Variants in TNKS observed in about 807,000 individuals in gnomAD.
The protein encoded by TNKS is poly [ADP-ribose] polymerase tankyrase-1.
Under a neutral mutation model 135.8 loss-of-function variants are expected in TNKS, and 72 were observed. The observed-to-expected ratio is 0.53, with a 90% CI of 0.44 to 0.64. TNKS has a LOEUF of 0.64. Among genes scored for constraint, TNKS ranks in the 30% least tolerant of loss-of-function variants. The pLI is 0.00. For synonymous variants in TNKS, 849 were observed against 649.3 expected (o/e 1.31, Z -4.68); for missense variants, 1,769 against 1,674.0 (o/e 1.06, Z -0.99).
chr8:9,713,463 C>T (rs1333366731), intron 11 of TNKS, among the ~76,000 whole-genome samples: 3 of 152,282 alleles, frequency 2.0e-5, no homozygotes, highest in Middle Eastern at 6.8e-3. Flanking sequence ...GTCAGCCTTT[C>T]TCTAGGTCTG....
intron 23 of TNKS, 97 bp downstream of exon 23, chr8:9,764,887 A>T: frequency 1.1e-6 from 1 of 940,854 alleles, no homozygotes; most frequent in Non-Finnish European, 1.5e-6. Flanking sequence ...CATATTTTCA[A>T]ACTGTGAAAG....
At chr8:9,672,964 C>G (rs989728403) in intron 3 of TNKS, among the ~76,000 whole-genome samples, 1 of 152,052 alleles carries the variant, frequency 6.6e-6, no homozygotes, top group South Asian at 2.1e-4. Context: ...TTTAAAGTAC[C>G]GGCACACTTT....
chr8:9,557,012 A>G (rs1200096510), intron 1 of TNKS: 7 of 302,364 alleles, frequency 2.3e-5, no homozygotes, highest in African/African-American at 2.1e-5. Flanking sequence ...AGTCCAGACC[A>G]AAAGAGGTTT....
intron 3 of TNKS, among the ~76,000 whole-genome samples, chr8:9,646,964 A>G (rs1013502887): frequency 6.6e-6 from 1 of 152,218 alleles, no homozygotes; most frequent in African/African-American, 2.4e-5. Flanking sequence ...TATATCCCTT[A>G]GTAGATGATG....
intron 20 of TNKS, among the ~76,000 whole-genome samples, chr8:9,754,606 A>G (rs57226849): frequency 0.023 from 3,560 of 152,230 alleles, 130 homozygotes; most frequent in African/African-American, 0.082. Flanking sequence ...CTAAAAGAAG[A>G]CCTTAATTCT....
At chr8:9,607,503 T>C (rs1040950468) in intron 2 of TNKS, among the ~76,000 whole-genome samples, 1 of 152,202 alleles carries the variant, frequency 6.6e-6, no homozygotes, top group African/African-American at 2.4e-5. Flanking sequence ...TCTGAAACCA[T>C]GTCATGTCAG....
chr8:9,680,664 G>T, intron 4 of TNKS, 61 bp from the exon 5 acceptor site: 1 of 1,168,188 alleles, frequency 8.6e-7, no homozygotes. Flanking sequence ...AAAAAATTAT[G>T]CATAAATATT....
intron 3 of TNKS, among the ~76,000 whole-genome samples, chr8:9,630,749 A>G (rs1483013150): frequency 6.6e-6 from 1 of 152,246 alleles, no homozygotes; most frequent in Admixed American, 6.5e-5. Context: ...AATTGTCATT[A>G]GGTTTCTGTA....
chr8:9,604,515 TA>T (rs776608293), intron 2 of TNKS, among the ~76,000 whole-genome samples: 8 of 152,186 alleles, frequency 5.3e-5, no homozygotes, highest in Non-Finnish European at 1.2e-4. Context: ...TATATTAAGC[TA>T]GGCTCACTAA....
chr8:9,610,736 G>C (rs1242533312), intron 2 of TNKS, among the ~76,000 whole-genome samples: 1 of 152,082 alleles, frequency 6.6e-6, no homozygotes, highest in Non-Finnish European at 1.5e-5. Flanking sequence ...AACATCTTCT[G>C]ATAATTTACT....
chr8:9,735,284 A>G, intron 16 of TNKS, 93 bp from the exon 17 acceptor site: 2 of 1,276,102 alleles, frequency 1.6e-6, no homozygotes, highest in Non-Finnish European at 2.2e-6. Flanking sequence ...AAAAAGTATT[A>G]AAACCTTAAC....
At chr8:9,648,674 G>A (rs1801013957) in intron 3 of TNKS, among the ~76,000 whole-genome samples, 1 of 152,100 alleles carries the variant, frequency 6.6e-6, no homozygotes, top group African/African-American at 2.4e-5. Context: ...CTCCCACTGT[G>A]ACATTACTAG....
intron 20 of TNKS, among the ~76,000 whole-genome samples, chr8:9,756,787 C>T (rs570874322): frequency 6.6e-6 from 1 of 152,180 alleles, no homozygotes; most frequent in East Asian, 1.9e-4. Flanking sequence ...ATACAGTTCT[C>T]CAGTTGCTTT....
intron 3 of TNKS, among the ~76,000 whole-genome samples, chr8:9,655,837 T>C (rs1412205304): frequency 2.7e-5 from 4 of 150,652 alleles, no homozygotes; most frequent in Non-Finnish European, 5.9e-5. Context: ...TCAAAGCGCC[T>C]CTCGTCCTCC....
rs913519930 is a variant in TNKS at position 9,780,176 on chromosome 8, G to T, written c.*3440G>T. 2 of 152,186 alleles carry T rather than the reference G, an allele frequency of 1.3e-5. No individual in the cohort carries two copies. The highest frequency in any genetic ancestry group is 2.9e-5 in the Non-Finnish European group (2 of 68,042). 9.4% of individuals were successfully genotyped at this position (152,186 alleles called of 1,614,324 possible). On this transcript the variant is annotated 3_prime_UTR_variant, in exon 27 of 27. Transcript: ENST00000310430. ...CAGTGTCTCTCCCAATGGCACGAAGGGTTATTGGGCATTGTCCCCACCCCC... is the reference window on the plus strand; with the variant it reads ...CAGTGTCTCTCCCAATGGCACGAAGTGTTATTGGGCATTGTCCCCACCCCC...
chr8:9,766,117 A>T, intron 24 of TNKS, 122 bp from the exon 25 acceptor site: 1 of 846,500 alleles, frequency 1.2e-6, no homozygotes, highest in Non-Finnish European at 1.8e-6. Context: ...TTCTTAGAAA[A>T]TACTTTTCAT....
intron 2 of TNKS, among the ~76,000 whole-genome samples, chr8:9,608,343 C>G (rs1799314579): frequency 6.6e-6 from 1 of 152,054 alleles, no homozygotes; most frequent in Admixed American, 6.5e-5. Flanking sequence ...ATAGTTTTGA[C>G]TTTGTAGATC....
chr8:9,770,428 C>A (rs903016253), intron 26 of TNKS, among the ~76,000 whole-genome samples, 166 bp downstream of exon 26: 3 of 152,242 alleles, frequency 2.0e-5, no homozygotes, highest in Admixed American at 1.3e-4. Flanking sequence ...TCTTTGACAT[C>A]AACTTTTTAC....
At chr8:9,619,177 A>G (rs754223389) in intron 3 of TNKS, among the ~76,000 whole-genome samples, 13 of 152,214 alleles carry the variant, frequency 8.5e-5, no homozygotes, top group Non-Finnish European at 1.6e-4. Flanking sequence ...CTTTGAAGTA[A>G]GGAAGCTTTG....
Sources: allele counts gnomAD v4.1 joint callset (sites outside exome capture counted in the v4.1 genomes callset), GRCh38; gene constraint gnomAD v4.1.1; transcripts MANE v1.5; gene names NCBI Gene and HGNC (gene_info 2026-07-23, HGNC 2026-07-21).